KLHL8: variants seen among roughly 807,000 people sequenced by gnomAD.
KLHL8 encodes kelch like family member 8, also known as kelch-like protein 8.
Under a neutral mutation model 63.5 loss-of-function variants are expected in KLHL8, and 38 were observed. That is an observed-to-expected ratio of 0.60 (90% CI 0.46 to 0.78). KLHL8 has a LOEUF of 0.78. KLHL8 is among the 30% of genes least tolerant of loss of function. The probability of loss-of-function intolerance (pLI) is 0.00; values close to 1 mark genes in which losing one functional copy is unlikely to be tolerated. For synonymous variants in KLHL8, 224 were observed against 254.3 expected (o/e 0.88, Z 1.13); for missense variants, 566 against 752.4 (o/e 0.75, Z 2.90).
At chr4:87,202,418 C>T (rs1228893168) in intron 1 of KLHL8, among the ~76,000 whole-genome samples, 1 of 152,070 alleles carries the variant, frequency 6.6e-6, no homozygotes, top group African/African-American at 2.4e-5. Flanking sequence ...CCACACCTGG[C>T]CTGTTGATCA....
intron 1 of KLHL8, chr4:87,208,173 TC>T (rs927945955): frequency 1.9e-5 from 7 of 369,532 alleles, no homozygotes; most frequent in African/African-American, 1.5e-4. Flanking sequence ...CCACACTCAG[TC>T]CCCCACTACA....
chr4:87,208,319 C>A (rs1732240650), intron 1 of KLHL8, among the ~76,000 whole-genome samples: 1 of 152,028 alleles, frequency 6.6e-6, no homozygotes, highest in South Asian at 2.1e-4. Flanking sequence ...AACAAACAAA[C>A]CTTGGTCAAC....
At position 87,232,355 on chromosome 4, in the gene KLHL8, A is replaced by G. The variant is rs375795570; in HGVS notation, n.57+7903T>C. Among the ~76,000 whole-genome samples the G allele has an allele frequency of 4.3e-3, 656 of 152,328 alleles. 3 individuals are homozygous for G. Among genetic ancestry groups the G allele is most frequent in the African/African-American group, 0.015 (629 of 41,574 alleles). On this transcript the variant is annotated intron_variant and non_coding_transcript_variant, in intron 1 of 1. Transcript: ENST00000506274. The stretch of plus-strand genomic sequence containing the variant: ...GTGAGATTCATCCCTGTTGATACAC[A>G]TGGCTGTGGTTTCTTCATCTTTCAC...
chr4:87,216,255 T>C (rs1423103951), intron 1 of KLHL8, among the ~76,000 whole-genome samples: 1 of 152,188 alleles, frequency 6.6e-6, no homozygotes, highest in Non-Finnish European at 1.5e-5. Context: ...CATATGAAGG[T>C]AGTGTATCAT....
At chr4:87,237,005 C>T (rs1578414403) in intron 1 of KLHL8, among the ~76,000 whole-genome samples, 1 of 152,264 alleles carries the variant, frequency 6.6e-6, no homozygotes, top group East Asian at 1.9e-4. Flanking sequence ...CAATCTCAAA[C>T]ACTTTGACAG....
At chr4:87,199,542 C>T (rs1325378823) in intron 1 of KLHL8, among the ~76,000 whole-genome samples, 1 of 150,854 alleles carries the variant, frequency 6.6e-6, no homozygotes, top group African/African-American at 2.4e-5. Context: ...TGCAGCAAAA[C>T]AATCAATAGA....
rs760505007 is a variant in KLHL8, at chr4:87,195,512, G to A, written c.28C>T (p.Gln10Ter). MASDSMSSKQARNHITKGKR... is the reference protein window; with the variant it reads MASDSMSSK Reference sequence around the variant, plus strand: ...CCCTTTGTAATGTGATTCCTAGCTTGTTTACTACTCATAGAATCTGAAGCC... The same window carrying A: ...CCCTTTGTAATGTGATTCCTAGCTTATTTACTACTCATAGAATCTGAAGCC... The change falls in exon 2 of 10, where the codon CAA becomes TAA. Residue 10 changes from glutamine to a stop codon, truncating the protein, a stop_gained. Coordinates refer to ENST00000273963, the MANE Select transcript of KLHL8 (RefSeq NM_020803.5). LOFTEE classifies it high-confidence loss of function. 1.9e-6 allele frequency: 3 copies of A among 1,613,236 alleles called. No homozygotes were observed. Among genetic ancestry groups the A allele is most frequent in the African/African-American group, 2.7e-5 (2 of 74,876 alleles).
Position 87,195,491 on chromosome 4 carries a change from T to C in KLHL8, c.49A>G (p.Lys17Glu), listed in dbSNP as rs762153695. The C allele has an allele frequency of 1.2e-6, 2 of 1,613,860 alleles. No individual in the cohort carries two copies. The highest frequency in any genetic ancestry group is 4.5e-5 in the East Asian group (2 of 44,828). The change falls in exon 2 of 10, where the codon AAG (lysine) becomes GAG (glutamate). Residue 17 changes from lysine (K) to glutamate (E), a missense_variant. Coordinates refer to ENST00000273963, the MANE Select transcript of KLHL8 (RefSeq NM_020803.5). ...TGGTGCTGTTGTTGCCTTTTCCCCT[T>C]TGTAATGTGATTCCTAGCTTGTTTA... ...SSKQARNHIT[K>E]GKRQQQHQQI...
intron 1 of KLHL8, among the ~76,000 whole-genome samples, chr4:87,211,981 T>C (rs1399058892): frequency 2.0e-5 from 3 of 152,202 alleles, no homozygotes; most frequent in Non-Finnish European, 2.9e-5. Context: ...CTTCAGTTAG[T>C]AGTACAGCAA....
chr4:87,185,656 GTC>G lies in KLHL8; in HGVS notation c.358_359del (p.Asp120LeufsTer15). The G allele has an allele frequency of 1.2e-6, 2 of 1,614,168 alleles. No individual in the cohort carries two copies. The highest frequency in any genetic ancestry group is 2.7e-5 in the African/African-American group (2 of 75,054). On this transcript the variant is annotated frameshift_variant, in exon 3 of 10. Coordinates refer to ENST00000273963, the MANE Select transcript of KLHL8 (RefSeq NM_020803.5). LOFTEE classifies it high-confidence loss of function. ...GTGAAGAATAGACAAACTTTACCAA[GTC>G]TTCTATTGCATCACCATCAAAATCT... Reference protein sequence around the residue: ...IRDFDGDAIEDLVKFVYSSRL... With the variant: ...IRDFDGDAIEXLVKFVYSSRL...
chr4:87,224,023 A>G (rs1208851460), upstream of KLHL8, among the ~76,000 whole-genome samples: 2 of 152,156 alleles, frequency 1.3e-5, no homozygotes, highest in Non-Finnish European at 2.9e-5. Flanking sequence ...CTTTAGTCAG[A>G]AAAAAATTGC....
chr4:87,227,027 A>T (rs1274485589), intron 1 of KLHL8, among the ~76,000 whole-genome samples: 1 of 115,056 alleles, frequency 8.7e-6, no homozygotes, highest in Non-Finnish European at 1.7e-5. Flanking sequence ...AATATATATT[A>T]TATTTCCTTT....
At chr4:87,207,570 T>C (rs878968163) in intron 1 of KLHL8, 18 of 1,158,932 alleles carry the variant, frequency 1.6e-5, no homozygotes, top group Non-Finnish European at 2.2e-5. Flanking sequence ...CCCTGGCCAA[T>C]GTCATCCATG....
Position 87,195,487 on chromosome 4 carries a change from C to A in KLHL8, c.53G>T (p.Gly18Val). The change falls in exon 2 of 10, where the codon GGG (glycine) becomes GTG (valine). Residue 18 changes from glycine to valine, a missense_variant. Physicochemically the swap from Gly to Val is moderately radical, Grantham distance 109. Coordinates refer to ENST00000273963, the MANE Select transcript of KLHL8 (RefSeq NM_020803.5). The part of the protein sequence containing the change: ...SKQARNHITK[G>V]KRQQQHQQIK... ...TTGCTGGTGCTGTTGTTGCCTTTTC[C>A]CCTTTGTAATGTGATTCCTAGCTTG... The A allele has an allele frequency of 6.2e-7, 1 of 1,613,762 alleles. No individual in the cohort carries two copies. The highest frequency in any genetic ancestry group is 8.5e-7 in the Non-Finnish European group (1 of 1,179,926).
intron 6 of KLHL8, among the ~76,000 whole-genome samples, chr4:87,173,342 G>A (rs911445629): frequency 6.6e-6 from 1 of 152,194 alleles, no homozygotes; most frequent in Non-Finnish European, 1.5e-5. Context: ...CACTGGCTAT[G>A]TTTTCTACTG....
At chr4:87,230,184 C>T (rs1733110666) in intron 1 of KLHL8, among the ~76,000 whole-genome samples, 1 of 152,150 alleles carries the variant, frequency 6.6e-6, no homozygotes, top group Non-Finnish European at 1.5e-5. Context: ...GTATGTAGAG[C>T]ACCTCTTGAC....
At chr4:87,184,378 G>A (rs1169144672) in intron 3 of KLHL8, among the ~76,000 whole-genome samples, 1 of 152,106 alleles carries the variant, frequency 6.6e-6, no homozygotes, top group African/African-American at 2.4e-5. Context: ...TCTAAAATGA[G>A]AACACTGGTA....
chr4:87,201,961 A>G (rs899779901), intron 1 of KLHL8, among the ~76,000 whole-genome samples: 1 of 152,138 alleles, frequency 6.6e-6, no homozygotes, highest in Non-Finnish European at 1.5e-5. Flanking sequence ...CAAAAAAATT[A>G]GCTGGGCGTA....
Position 87,164,373 on chromosome 4 carries a change from G to GA in KLHL8, c.1538-295dup, listed in dbSNP as rs200509459. The stretch of plus-strand genomic sequence containing the variant: ...TCTAAGCAGATAATTCAGAGAAAAA[G>GA]AAAAAAAAAACACAAACATTCATAA... On this transcript the variant is annotated intron_variant, in intron 8 of 9. Coordinates refer to ENST00000273963, the MANE Select transcript of KLHL8 (RefSeq NM_020803.5). Among the ~76,000 whole-genome samples, 1,130 of 143,300 alleles carry GA rather than the reference G, an allele frequency of 7.9e-3. 11 individuals are homozygous for GA. Among genetic ancestry groups the GA allele is most frequent in the African/African-American group, 0.026 (1,009 of 39,174 alleles). 94.0% of individuals were successfully genotyped at this position (143,300 alleles called of 152,430 possible).
Sources: allele counts gnomAD v4.1 joint callset (sites outside exome capture counted in the v4.1 genomes callset), GRCh38; gene constraint gnomAD v4.1.1; transcripts MANE v1.5; gene names NCBI Gene and HGNC (gene_info 2026-07-23, HGNC 2026-07-21).